SLIT3: variants seen among roughly 807,000 people sequenced by gnomAD.
SLIT3 encodes slit guidance ligand 3.
Under a neutral mutation model 184.0 loss-of-function variants are expected in SLIT3, and 68 were observed. The observed-to-expected ratio is 0.37, with a 90% CI of 0.30 to 0.45. The LOEUF (loss-of-function observed/expected upper bound fraction) is 0.45, where lower values mean the gene tolerates loss of function less well. Ranked by LOEUF, SLIT3 falls within the 20% of genes least tolerant of loss-of-function variation. SLIT3 has a pLI of 1.00. For missense variants in SLIT3, 1,707 were observed against 2,026.0 expected, an observed-to-expected ratio of 0.84 and a Z score of 3.02; for synonymous variants, 831 against 828.6, an observed-to-expected ratio of 1.00 and a Z score of -0.05.
chr5:168,673,338 A>C lies in SLIT3; in HGVS notation c.3687-7T>G, dbSNP rs776061010. The stretch of plus-strand genomic sequence containing the variant: ...ATCATTCACTGTCTCCACACTGGCC[A>C]GTAGAGAAGGGGAGAAAGCCGGAGA... On this transcript the variant is annotated splice_region_variant and splice_polypyrimidine_tract_variant and intron_variant, in intron 32 of 35. Transcript: ENST00000519560. 6.2e-7 allele frequency: 1 copy of C among 1,614,060 alleles called. No homozygotes were observed. The highest frequency in any genetic ancestry group is 1.1e-5 in the South Asian group (1 of 91,070).
intron 1 of SLIT3, among the ~76,000 whole-genome samples, chr5:169,262,519 T>C (rs1314550019): frequency 6.6e-6 from 1 of 152,046 alleles, no homozygotes; most frequent in East Asian, 1.9e-4. Flanking sequence ...CAGAGGCAGG[T>C]GGTGTCCAGG....
intron 3 of SLIT3, among the ~76,000 whole-genome samples, chr5:169,208,530 A>G (rs1764151486): frequency 6.6e-6 from 1 of 152,214 alleles, no homozygotes; most frequent in Admixed American, 6.5e-5. Context: ...CCTGACTTCA[A>G]ACTACACTAA....
intron 6 of SLIT3, among the ~76,000 whole-genome samples, chr5:168,841,417 G>A (rs545450960): frequency 6.6e-6 from 1 of 152,286 alleles, no homozygotes; most frequent in South Asian, 2.1e-4. Flanking sequence ...GGCATGGAAG[G>A]AATGAGAAGT....
chr5:169,131,835 A>G (rs889741023), intron 4 of SLIT3, among the ~76,000 whole-genome samples: 1 of 152,244 alleles, frequency 6.6e-6, no homozygotes, highest in African/African-American at 2.4e-5. Context: ...GAACATGTGA[A>G]GCAATACTGG....
intron 25 of SLIT3, 25 bp downstream of exon 25, chr5:168,710,870 A>G: frequency 1.4e-6 from 2 of 1,396,672 alleles, no homozygotes; most frequent in South Asian, 1.4e-5. Flanking sequence ...GGGGCAGGGG[A>G]GGGTGGGGTG....
chr5:168,678,035 G>T (rs1454706065), intron 32 of SLIT3, among the ~76,000 whole-genome samples: 1 of 152,164 alleles, frequency 6.6e-6, no homozygotes, highest in African/African-American at 2.4e-5. Context: ...CCCATTTTAG[G>T]GAAGGAAGCT....
chr5:169,078,420 T>G (rs1310910228), intron 4 of SLIT3, among the ~76,000 whole-genome samples: 1 of 152,012 alleles, frequency 6.6e-6, no homozygotes, highest in East Asian at 1.9e-4. Context: ...AAGTGAAGAT[T>G]TGTATTCCCA....
chr5:169,228,429 A>G (rs186453360), intron 3 of SLIT3, among the ~76,000 whole-genome samples: 90 of 152,308 alleles, frequency 5.9e-4, no homozygotes, highest in African/African-American at 1.9e-3. Flanking sequence ...AGGAGTGACG[A>G]CTGCCCGGAG....
intron 1 of SLIT3, among the ~76,000 whole-genome samples, chr5:169,294,785 G>T (rs1052172370): frequency 6.6e-6 from 1 of 152,164 alleles, no homozygotes; most frequent in Non-Finnish European, 1.5e-5. Context: ...CCTACTATAC[G>T]TCTAGGCTAG....
intron 4 of SLIT3, among the ~76,000 whole-genome samples, chr5:168,910,430 A>G (rs1289468066): frequency 6.6e-6 from 1 of 152,194 alleles, no homozygotes; most frequent in East Asian, 1.9e-4. Context: ...ATTTGGCCAT[A>G]TATCAATGAT....
chr5:169,136,816 G>A (rs534502463), intron 4 of SLIT3, among the ~76,000 whole-genome samples: 1 of 152,240 alleles, frequency 6.6e-6, no homozygotes, highest in African/African-American at 2.4e-5. Context: ...GCAAGACTGG[G>A]GATCTGGGAC....
At chr5:168,756,877 C>T (rs1754965263) in intron 16 of SLIT3, among the ~76,000 whole-genome samples, 1 of 152,154 alleles carries the variant, frequency 6.6e-6, no homozygotes, top group Non-Finnish European at 1.5e-5. Flanking sequence ...TTCCTGACAT[C>T]TGTTTCTTTA....
At chr5:168,681,693 C>T (rs1253883905) in intron 32 of SLIT3, among the ~76,000 whole-genome samples, 1 of 152,196 alleles carries the variant, frequency 6.6e-6, no homozygotes, top group African/African-American at 2.4e-5. Flanking sequence ...CTGCGACACT[C>T]CTACCACCCA....
chr5:169,072,377 T>TA lies in SLIT3; in HGVS notation c.413+121101dup, dbSNP rs151100040. On this transcript the variant is annotated intron_variant, in intron 4 of 35. Transcript: ENST00000519560. Reference sequence around the variant, plus strand: ...TGCCTCATCTGTCAAATGAGGCAAATAAATATCTGCTAGTCCTTCCCCAAT... The same window carrying TA: ...TGCCTCATCTGTCAAATGAGGCAAATAAAATATCTGCTAGTCCTTCCCCAAT... Among the ~76,000 whole-genome samples the TA allele has an allele frequency of 2.3e-4, 35 of 152,290 alleles. No individual in the cohort carries two copies. In the East Asian group the frequency reaches 6.4e-3, roughly 28 times the overall value.
At position 169,269,917 on chromosome 5, in the gene SLIT3, G is replaced by T. The variant is rs1283409731; in HGVS notation, c.198-18458C>A. The stretch of plus-strand genomic sequence containing the variant: ...GAGGAAACAATTCTCTTCTCAGTTT[G>T]GGAGGTGGGGACATTCCATTTATCT... On this transcript the variant is annotated intron_variant, in intron 1 of 35. Transcript: ENST00000519560. Among the ~76,000 whole-genome samples, 6 of 152,306 alleles carry T rather than the reference G, an allele frequency of 3.9e-5. No homozygotes were observed. In the East Asian group the frequency reaches 1.2e-3, roughly 29 times the overall value.
In SLIT3 at chr5:169,245,423, A is replaced by G. The variant is rs1581097365; in HGVS notation, c.270-647T>C. On this transcript the variant is annotated intron_variant, in intron 2 of 35. Transcript: ENST00000519560. The stretch of plus-strand genomic sequence containing the variant: ...TGAGTCTGGTTCACGCATAGAGTAT[A>G]TCCAAAGAATTTAGCATATAATGAA... 2.0e-5 allele frequency among the ~76,000 whole-genome samples: 3 copies of G among 152,170 alleles called. No individual in the cohort carries two copies. The East Asian group carries it at 5.8e-4, about 29-fold the overall frequency.
chr5:169,141,171 T>C (rs1761723318), intron 4 of SLIT3, among the ~76,000 whole-genome samples: 1 of 152,120 alleles, frequency 6.6e-6, no homozygotes, highest in African/African-American at 2.4e-5. Flanking sequence ...TCCCTCAAAA[T>C]AGAATAGAAA....
At chr5:169,177,329 G>A (rs993492036) in intron 4 of SLIT3, among the ~76,000 whole-genome samples, 8 of 152,174 alleles carry the variant, frequency 5.3e-5, no homozygotes, top group African/African-American at 7.2e-5. Flanking sequence ...AGTATCTAAC[G>A]AGAGATTTAG....
Position 169,151,210 on chromosome 5 carries a change from A to G in SLIT3, c.413+42269T>C, listed in dbSNP as rs151198781. On this transcript the variant is annotated intron_variant, in intron 4 of 35. Transcript: ENST00000519560. The stretch of plus-strand genomic sequence containing the variant: ...AGTGATTCCTTGCCTTGCCTTGACC[A>G]TCTCTCTCTCAGCACAGCAGGTGGC... Among the ~76,000 whole-genome samples the G allele has an allele frequency of 2.4e-3, 359 of 152,182 alleles. 4 individuals carry two copies. Among genetic ancestry groups the G allele is most frequent in the Middle Eastern group, 6.8e-3 (2 of 294 alleles).
Sources: allele counts gnomAD v4.1 joint callset (sites outside exome capture counted in the v4.1 genomes callset), GRCh38; gene constraint gnomAD v4.1.1; transcripts MANE v1.5; gene names NCBI Gene and HGNC (gene_info 2026-07-23, HGNC 2026-07-21).